Variants in STRIP1 observed in about 807,000 individuals in gnomAD.
STRIP1 encodes the protein striatin-interacting protein 1.
In STRIP1, 63 loss-of-function variants were observed where a neutral mutation model predicts 106.2. The observed-to-expected ratio is 0.59, with a 90% CI of 0.48 to 0.73. The LOEUF is 0.73. Ranked by LOEUF, STRIP1 falls within the 30% of genes least tolerant of loss-of-function variation. The pLI, the probability that STRIP1 is intolerant of heterozygous loss-of-function variation, is 0.00. For synonymous variants in STRIP1, 390 were observed against 413.0 expected, an observed-to-expected ratio of 0.94 and a Z score of 0.67; for missense variants, 857 against 1,074.8, an observed-to-expected ratio of 0.80 and a Z score of 2.83.
intron 1 of STRIP1, among the ~76,000 whole-genome samples, chr1:110,036,333 A>G (rs1652452054): frequency 6.6e-6 from 1 of 152,104 alleles, no homozygotes; most frequent in Non-Finnish European, 1.5e-5. Context: ...GGTGCCTGTA[A>G]TCCCAGCTAC....
At chr1:110,034,957 A>T (rs1652369359) in intron 1 of STRIP1, 140 bp downstream of exon 1, 11 of 837,024 alleles carry the variant, frequency 1.3e-5, no homozygotes, top group Non-Finnish European at 1.9e-5. Context: ...ATACAGCGAA[A>T]GGAGCAGGAA....
rs776991794 is a variant in STRIP1, at chr1:110,038,730, T to G, written c.298T>G (p.Cys100Gly). 5.0e-5 allele frequency: 80 copies of G among 1,614,152 alleles called. No individual in the cohort carries two copies. The highest frequency in any genetic ancestry group is 6.6e-5 in the South Asian group (6 of 91,072). ...EGPEFLMNRK[C>G]FEEDFRIHVT... ...GCCAGAATTCCTGATGAATCGAAAA[T>G]GCTTTGAGGAGGACTTCCGGATCCA... The change falls in exon 3 of 21, where the codon TGC becomes GGC. Residue 100 changes from cysteine to glycine, a missense_variant. By Grantham distance (159) the Cys-to-Gly change is radical. Around this residue, in one of 2 missense-constraint regions of STRIP1, gnomAD observed 750 missense variants for 989.8 expected, o/e 0.76. Coordinates refer to ENST00000369795, the MANE Select transcript of STRIP1 (RefSeq NM_033088.4).
chr1:110,036,867 A>C (rs1251537170), intron 1 of STRIP1, among the ~76,000 whole-genome samples: 1 of 152,114 alleles, frequency 6.6e-6, no homozygotes, highest in Non-Finnish European at 1.5e-5. Context: ...TCTGTCTCCC[A>C]AGCTGGAGTG....
rs1652828083 is a variant in STRIP1 at position 110,042,842 on chromosome 1, T to C, written c.886-246T>C. The stretch of plus-strand genomic sequence containing the variant: ...GAAGAGTATGTCATAGGTGCAGAGT[T>C]AGTGTATCTGCACTAGGGTCAGTCA... On this transcript the variant is annotated intron_variant, in intron 8 of 20. Coordinates refer to ENST00000369795, the MANE Select transcript of STRIP1 (RefSeq NM_033088.4). 7 of 475,690 alleles carry C rather than the reference T, an allele frequency of 1.5e-5. No individual in the cohort carries two copies. The South Asian group carries it at 2.9e-4, about 19-fold the overall frequency. 29.5% of individuals were successfully genotyped at this position (475,690 alleles called of 1,614,324 possible).
At chr1:110,036,698 T>G (rs1328595637) in intron 1 of STRIP1, among the ~76,000 whole-genome samples, 1 of 152,246 alleles carries the variant, frequency 6.6e-6, no homozygotes, top group African/African-American at 2.4e-5. Flanking sequence ...TTAAAAATCT[T>G]CAAAGTAGAT....
intron 1 of STRIP1, among the ~76,000 whole-genome samples, 193 bp from the exon 2 acceptor site, chr1:110,037,698 A>G (rs1050102399): frequency 1.3e-5 from 2 of 152,194 alleles, no homozygotes; most frequent in Non-Finnish European, 2.9e-5. Flanking sequence ...AACACATCCT[A>G]TAATGATAAG....
Position 110,037,902 on chromosome 1 carries a change from G to C in STRIP1, c.192G>C (p.Glu64Asp). Residue 64 changes from glutamate to aspartate, a missense_variant, in exon 2 of 21, where the codon GAG (glutamate) becomes GAC (aspartate). Transcript: ENST00000369795. Reference protein sequence around the residue: ...NQRKDSEGYSESPDLEFEYAD... With the variant: ...NQRKDSEGYSDSPDLEFEYAD... ...CCTCTTGTCAGCAGGGCTATTCGGA[G>C]TCACCAGACCTGGAGTTTGAGTATG... 1.2e-6 allele frequency: 2 copies of C among 1,610,518 alleles called. No homozygotes were observed. The highest frequency in any genetic ancestry group is 1.7e-6 in the Non-Finnish European group (2 of 1,177,200).
chr1:110,051,929 G>A (rs775991699), intron 20 of STRIP1, 42 bp downstream of exon 20: 12 of 1,597,314 alleles, frequency 7.5e-6, no homozygotes, highest in Middle Eastern at 2.3e-4. Context: ...GGAGTGTGTC[G>A]GGAAAAGTGA....
chr1:110,038,586 T>G, intron 2 of STRIP1, 97 bp from the exon 3 acceptor site: 1 of 923,394 alleles, frequency 1.1e-6, no homozygotes, highest in Non-Finnish European at 1.7e-6. Context: ...GGGGCAGAGT[T>G]GAGAGTGGAA....
In STRIP1 at chr1:110,046,776, G is replaced by T. The variant is rs756490440; in HGVS notation, c.1488+25G>T. The T allele has an allele frequency of 3.1e-6, 5 of 1,591,928 alleles. No individual in the cohort carries two copies. The Admixed American group carries it at 5.0e-5, about 16-fold the overall frequency. On this transcript the variant is annotated intron_variant, in intron 13 of 20. Transcript: ENST00000369795. The stretch of plus-strand genomic sequence containing the variant: ...GGTAAGTTGGAGGTCCTCAGTCCGG[G>T]CGCGGTGGCTCACGCCTGTAATCCC...
In STRIP1 at chr1:110,046,778, G is replaced by A. The variant is rs368488096; in HGVS notation, c.1488+27G>A. 5.7e-5 allele frequency: 90 copies of A among 1,585,238 alleles called. 1 individual carries two copies. The highest frequency in any genetic ancestry group is 2.3e-4 in the Admixed American group (14 of 59,774). ...TAAGTTGGAGGTCCTCAGTCCGGGC[G>A]CGGTGGCTCACGCCTGTAATCCCAG... On this transcript the variant is annotated intron_variant, in intron 13 of 20. Coordinates refer to ENST00000369795, the MANE Select transcript of STRIP1 (RefSeq NM_033088.4).
rs548751201 is a variant in STRIP1, at chr1:110,039,972, A to G, written c.581+457A>G. Reference sequence around the variant, plus strand: ...TGCTCATCTAAGGATAACACCATCAATGATAAAGCTAAGACAGCTCATTGA... The same window carrying G: ...TGCTCATCTAAGGATAACACCATCAGTGATAAAGCTAAGACAGCTCATTGA... On this transcript the variant is annotated intron_variant, in intron 5 of 20. Coordinates refer to ENST00000369795, the MANE Select transcript of STRIP1 (RefSeq NM_033088.4). 38 of 1,123,664 alleles carry G rather than the reference A, an allele frequency of 3.4e-5. No individual in the cohort carries two copies. In the South Asian group the frequency reaches 3.6e-4, roughly 11 times the overall value. The allele number at this position is 1,123,664 out of a possible 1,614,324, so 69.6% of individuals were successfully genotyped here. A position where few individuals can be genotyped will look rare whatever the true frequency, so the allele number is the denominator to read the frequency against.
At chr1:110,034,331 CTATGAGT>C (rs1032892841), upstream of STRIP1, among the ~76,000 whole-genome samples, 57 of 152,290 alleles carry the variant, frequency 3.7e-4, no homozygotes, top group African/African-American at 1.3e-3. Context: ...TTGAACAAGG[CTATGAGT>C]TATAAGTGCA....
At chr1:110,038,949 A>G in intron 3 of STRIP1, 192 bp downstream of exon 3, 2 of 703,944 alleles carry the variant, frequency 2.8e-6, no homozygotes, top group Non-Finnish European at 2.3e-6. Context: ...GAATGTGCAT[A>G]TTAGGGGAGA....
chr1:110,053,521 A>T, intron 20 of STRIP1, 144 bp from the exon 21 acceptor site: 2 of 1,164,564 alleles, frequency 1.7e-6, no homozygotes, highest in Non-Finnish European at 1.2e-6. Context: ...CTTTGGATCT[A>T]GGAAGGAATT....
At chr1:110,044,175 C>T (rs1570921026) in intron 10 of STRIP1, among the ~76,000 whole-genome samples, 1 of 152,188 alleles carries the variant, frequency 6.6e-6, no homozygotes, top group East Asian at 1.9e-4. Context: ...TCCACCCATC[C>T]TGGGGTTGTG....
chr1:110,051,187 C>G (rs1183526997), intron 19 of STRIP1, 127 bp downstream of exon 19: 2 of 664,432 alleles, frequency 3.0e-6, no homozygotes, highest in Non-Finnish European at 5.4e-6. Flanking sequence ...CGTATCCTTG[C>G]ATTTTAAGGG....
rs139883751 is a variant in STRIP1, at chr1:110,035,947, C to T, written c.180+1130C>T. On this transcript the variant is annotated intron_variant, in intron 1 of 20. Transcript: ENST00000369795. ...ATTTGAAAAAAACAAAAACACTGAC[C>T]ATTTAGGAGCCCTGGCATGGTGGGA... Among the ~76,000 whole-genome samples, 750 of 152,210 alleles carry T rather than the reference C, an allele frequency of 4.9e-3. 2 individuals carry two copies. The highest frequency in any genetic ancestry group is 0.01 in the Middle Eastern group (3 of 294).
intron 8 of STRIP1, 70 bp downstream of exon 8, chr1:110,041,931 C>G (rs1652784558): frequency 6.8e-7 from 1 of 1,463,186 alleles, no homozygotes; most frequent in Non-Finnish European, 9.4e-7. Context: ...CCTTGAATAT[C>G]CTTTTGAATA....
Sources: allele counts gnomAD v4.1 joint callset (sites outside exome capture counted in the v4.1 genomes callset), GRCh38; gene constraint gnomAD v4.1.1; regional missense constraint gnomAD v4.1.1; transcripts MANE v1.5; gene names NCBI Gene and HGNC (gene_info 2026-07-23, HGNC 2026-07-21).